Variants in ZNF469 observed in about 807,000 individuals in gnomAD.
ZNF469 encodes the protein zinc finger protein 469.
ZNF469 carries 1 observed loss-of-function variant against 1.0 expected under a neutral mutation model. That is an observed-to-expected ratio of 1.00 (90% CI 0.35 to 4.73). The LOEUF is 4.73. Among genes scored for constraint, ZNF469 ranks in the 30% most tolerant of loss-of-function variants. The pLI is 0.16. For missense variants in ZNF469, 6,100 were observed against 5,356.3 expected (o/e 1.14, Z -4.33); for synonymous variants, 2,703 against 2,363.4 (o/e 1.14, Z -4.17).
Position 88,427,855 on chromosome 16 carries a change from A to C in ZNF469, c.385A>C (p.Thr129Pro). The C allele has an allele frequency of 6.5e-7, 1 of 1,549,430 alleles. No homozygotes were observed. Among genetic ancestry groups the C allele is most frequent in the Non-Finnish European group, 8.7e-7 (1 of 1,146,790 alleles). ...RYILGIASSR[T>P]KPTLDETPEN... ...CATTCTGGGCATCGCCAGCTCGAGG[A>C]CCAAGCCCACCCTGGACGAGACACC... The change falls in exon 3 of 3, where the codon ACC becomes CCC. Residue 129 changes from threonine to proline, a missense_variant. Coordinates refer to ENST00000565624, the MANE Select transcript of ZNF469 (RefSeq NM_001367624.2).
the ZNF469 span, among the ~76,000 whole-genome samples, chr16:88,307,719 T>C: frequency 6.6e-6 from 1 of 152,248 alleles, no homozygotes; most frequent in Non-Finnish European, 1.5e-5. Context: ...TTGCAAGAGT[T>C]CTTTATGTGT....
At position 88,437,410 on chromosome 16, in the gene ZNF469, G is replaced by T; in HGVS notation, c.9940G>T (p.Asp3314Tyr). 1 of 1,523,748 alleles carries T rather than the reference G, an allele frequency of 6.6e-7. No homozygotes were observed. Among genetic ancestry groups the T allele is most frequent in the Non-Finnish European group, 8.8e-7 (1 of 1,133,298 alleles). 94.4% of individuals were successfully genotyped at this position (1,523,748 alleles called of 1,614,324 possible). A position where few individuals can be genotyped will look rare whatever the true frequency, so the allele number is the denominator to read the frequency against. ...CAGGACGACCCCCAGCCCGTCCCCC[G>T]ACCCCTGGGCCGGCGGGGAGCCCCT... The part of the protein sequence containing the change: ...PPRTTPSPSP[D>Y]PWAGGEPLLQ... The change falls in exon 3 of 3, where the codon GAC becomes TAC. Residue 3314 changes from aspartate (D) to tyrosine (Y), a missense_variant. By Grantham distance (160) the Asp-to-Tyr change is radical. Transcript: ENST00000565624.
chr16:88,144,793 G>C, the ZNF469 span, among the ~76,000 whole-genome samples: 8 of 152,054 alleles, frequency 5.3e-5, no homozygotes, highest in Middle Eastern at 3.4e-3. Context: ...TGCTAGACGT[G>C]TCCATATTCT....
At chr16:88,193,298 T>G in the ZNF469 span, among the ~76,000 whole-genome samples, 54 of 143,684 alleles carry the variant, frequency 3.8e-4, no homozygotes, top group African/African-American at 1.2e-3. Flanking sequence ...ATGGTGGTGG[T>G]GGGGTTGGTG....
chr16:88,383,643 G>A (rs1262174755), intron 1 of ZNF469, among the ~76,000 whole-genome samples: 19 of 150,722 alleles, frequency 1.3e-4, no homozygotes, highest in Admixed American at 9.9e-4. Flanking sequence ...GGGGAGCGGG[G>A]CCCGGGCCGC....
chr16:88,380,423 A>C (rs2092518534), upstream of ZNF469, among the ~76,000 whole-genome samples: 1 of 148,522 alleles, frequency 6.7e-6, no homozygotes. Context: ...ACTCACACAG[A>C]TGCATTCACA....
At chr16:88,242,822 G>A in the ZNF469 span, among the ~76,000 whole-genome samples, 2 of 152,252 alleles carry the variant, frequency 1.3e-5, no homozygotes, top group Admixed American at 6.5e-5. Flanking sequence ...TTCCTGTCAT[G>A]GAGGGGAAAA....
the ZNF469 span, among the ~76,000 whole-genome samples, chr16:88,318,563 G>T: frequency 2.0e-5 from 3 of 152,234 alleles, no homozygotes; most frequent in Admixed American, 6.5e-5. Flanking sequence ...GGGCAGGAGT[G>T]GGGTGGGGGA....
At chr16:88,142,379 T>C in the ZNF469 span, among the ~76,000 whole-genome samples, 4 of 152,110 alleles carry the variant, frequency 2.6e-5, no homozygotes, top group Non-Finnish European at 4.4e-5. Flanking sequence ...GGGCAGATGA[T>C]GTTGGCGGGC....
the ZNF469 span, among the ~76,000 whole-genome samples, chr16:88,232,659 C>T: frequency 3.3e-5 from 5 of 152,218 alleles, no homozygotes; most frequent in Admixed American, 1.3e-4. Context: ...GGTCAGCCTG[C>T]GGCAAGAGGG....
In ZNF469 at chr16:88,439,060, C is replaced by T. The variant is rs1177709673; in HGVS notation, c.11590C>T (p.Pro3864Ser). Residue 3864 changes from proline (P) to serine (S), a missense_variant, in exon 3 of 3, where the codon CCC becomes TCC. Coordinates refer to ENST00000565624, the MANE Select transcript of ZNF469 (RefSeq NM_001367624.2). ...CCGCGTGCTCCCGACCAAGCCCAAG[C>T]CCAACAGCCAGAACAAACCCAGGCC... ...PSRVLPTKPKPNSQNKPRPPP... is the reference protein window; with the variant it reads ...PSRVLPTKPKSNSQNKPRPPP... 1 of 1,550,638 alleles carries T rather than the reference C, an allele frequency of 6.4e-7. No individual in the cohort carries two copies. Among genetic ancestry groups the T allele is most frequent in the Non-Finnish European group, 8.7e-7 (1 of 1,146,980 alleles).
chr16:88,195,293 G>T, the ZNF469 span: 4 of 152,236 alleles, frequency 2.6e-5, no homozygotes, highest in South Asian at 6.2e-4. Context: ...GGCGGCCCAG[G>T]GGGTGACAGG....
At chr16:88,263,542 G>A in the ZNF469 span, among the ~76,000 whole-genome samples, 1 of 152,196 alleles carries the variant, frequency 6.6e-6, no homozygotes, top group African/African-American at 2.4e-5. Context: ...GGGTTGGTTG[G>A]CTGAGGGCAT....
the ZNF469 span, among the ~76,000 whole-genome samples, chr16:88,120,533 A>G: frequency 6.6e-6 from 1 of 152,234 alleles, no homozygotes; most frequent in Non-Finnish European, 1.5e-5. Context: ...GGGCAGTTGC[A>G]GGCGGCCGGA....
At chr16:88,112,308 T>G in the ZNF469 span, among the ~76,000 whole-genome samples, 1 of 152,192 alleles carries the variant, frequency 6.6e-6, no homozygotes, top group African/African-American at 2.4e-5. Flanking sequence ...CAAGCAGTGG[T>G]ATTGCTGGAT....
At chr16:88,369,760 C>T in the ZNF469 span, among the ~76,000 whole-genome samples, 148 of 152,314 alleles carry the variant, frequency 9.7e-4, 1 homozygote, top group African/African-American at 3.4e-3. Context: ...TAACGAGGGG[C>T]CACGGTGAGG....
the ZNF469 span, among the ~76,000 whole-genome samples, chr16:88,280,444 A>G: frequency 6.6e-6 from 1 of 151,780 alleles, no homozygotes; most frequent in African/African-American, 2.4e-5. Flanking sequence ...TGCCACACCA[A>G]TGCTTGGTCA....
At chr16:88,264,491 C>A in the ZNF469 span, among the ~76,000 whole-genome samples, 5 of 151,514 alleles carry the variant, frequency 3.3e-5, no homozygotes, top group East Asian at 9.7e-4. Flanking sequence ...AGCCTCCCCA[C>A]CTGTGCATGT....
intron 1 of ZNF469, among the ~76,000 whole-genome samples, chr16:88,406,072 C>T (rs1905020730): frequency 6.6e-6 from 1 of 152,232 alleles, no homozygotes; most frequent in East Asian, 1.9e-4. Flanking sequence ...TTCCACAGGG[C>T]CTGGGAGGGA....
Sources: allele counts gnomAD v4.1 joint callset (sites outside exome capture counted in the v4.1 genomes callset), GRCh38; gene constraint gnomAD v4.1.1; transcripts MANE v1.5; gene names NCBI Gene and HGNC (gene_info 2026-07-23, HGNC 2026-07-21).